The following FRMD4B variants were observed in gnomAD, a reference collection of about 807,000 sequenced individuals.
FRMD4B encodes FERM domain containing 4B.
A neutral mutation model predicts 141.5 loss-of-function variants in FRMD4B; 74 were observed. That is an observed-to-expected ratio of 0.52 (90% confidence interval 0.43 to 0.63). FRMD4B has a LOEUF of 0.63. Ranked by LOEUF, FRMD4B falls within the 30% of genes least tolerant of loss-of-function variation. FRMD4B has a pLI of 0.00. For missense variants in FRMD4B, 1,366 were observed against 1,253.4 expected (o/e 1.09, Z -1.36); for synonymous variants, 506 against 467.9 (o/e 1.08, Z -1.05).
At chr3:69,462,342 G>T (rs1209373093) in intron 1 of FRMD4B, among the ~76,000 whole-genome samples, 1 of 152,178 alleles carries the variant, frequency 6.6e-6, no homozygotes, top group Non-Finnish European at 1.5e-5. Flanking sequence ...TCCTGGAAAT[G>T]TTCCCTCTCT....
At chr3:69,491,895 T>C (rs780947194) in intron 1 of FRMD4B, among the ~76,000 whole-genome samples, 34 of 152,120 alleles carry the variant, frequency 2.2e-4, no homozygotes, top group Admixed American at 4.6e-4. Flanking sequence ...GACCACTAAA[T>C]TATTTAGGAC....
At chr3:69,502,911 G>T (rs1216183988) in intron 1 of FRMD4B, among the ~76,000 whole-genome samples, 1 of 152,182 alleles carries the variant, frequency 6.6e-6, no homozygotes, top group Non-Finnish European at 1.5e-5. Flanking sequence ...AGACATTTAT[G>T]CAGCCAACAG....
intron 1 of FRMD4B, among the ~76,000 whole-genome samples, chr3:69,515,088 A>G (rs1277074568): frequency 1.3e-5 from 2 of 152,220 alleles, no homozygotes; most frequent in Non-Finnish European, 2.9e-5. Flanking sequence ...ATCTTCAACA[A>G]GGAGCCTAAA....
chr3:69,343,273 C>T (rs934289642), intron 1 of FRMD4B, among the ~76,000 whole-genome samples: 1 of 152,090 alleles, frequency 6.6e-6, no homozygotes, highest in Non-Finnish European at 1.5e-5. Flanking sequence ...TTTTAATTAC[C>T]CCCATCAGAA....
At position 69,539,840 on chromosome 3, in the gene FRMD4B, A is replaced by AGTGT. The variant is rs147346385; in HGVS notation, c.-129+2362_-129+2365dup. Among the ~76,000 whole-genome samples the AGTGT allele has an allele frequency of 3.4e-3, 512 of 150,836 alleles. 2 individuals are homozygous for AGTGT. The highest frequency in any genetic ancestry group is 0.012 in the South Asian group (57 of 4,766). On this transcript the variant is annotated intron_variant, in intron 1 of 5. Transcript: ENST00000459638. The stretch of plus-strand genomic sequence containing the variant: ...CTGTTCAAAAAAGGTGTGTTCAAAC[A>AGTGT]GTGTGTGTGTGTGTGTGTGCGTGTT...
chr3:69,432,864 T>C (rs59234490), intron 1 of FRMD4B: 39,618 of 152,132 alleles, frequency 0.26, 5,695 homozygotes, highest in East Asian at 0.47. Flanking sequence ...AATTTTCCCC[T>C]GGCTGACTAC....
chr3:69,188,417 G>C (rs1386238971), intron 18 of FRMD4B, among the ~76,000 whole-genome samples: 2 of 152,270 alleles, frequency 1.3e-5, no homozygotes, highest in East Asian at 3.9e-4. Context: ...AAAGAGGGAT[G>C]GCAAGCATGA....
chr3:69,333,627 T>C (rs780704944), intron 1 of FRMD4B, among the ~76,000 whole-genome samples: 6 of 152,234 alleles, frequency 3.9e-5, no homozygotes, highest in Non-Finnish European at 8.8e-5. Context: ...CAGGGGACAA[T>C]TGGGACTGTT....
chr3:69,456,294 A>G (rs1205304354), intron 1 of FRMD4B, among the ~76,000 whole-genome samples: 2 of 152,244 alleles, frequency 1.3e-5, no homozygotes, highest in Non-Finnish European at 2.9e-5. Flanking sequence ...AAGTTGATGT[A>G]AGTTTTCGAG....
intron 1 of FRMD4B, among the ~76,000 whole-genome samples, chr3:69,323,539 T>C (rs1013703175): frequency 1.3e-5 from 2 of 148,900 alleles, no homozygotes; most frequent in Non-Finnish European, 3.0e-5. Flanking sequence ...CACTCCAGCC[T>C]GGGCGACACA....
chr3:69,332,088 G>T (rs1207341927), intron 1 of FRMD4B, among the ~76,000 whole-genome samples: 1 of 151,888 alleles, frequency 6.6e-6, no homozygotes, highest in Non-Finnish European at 1.5e-5. Flanking sequence ...CTCCATCTCA[G>T]AAAAAAACAA....
At chr3:69,196,524 C>A in intron 13 of FRMD4B, 128 bp from the exon 14 acceptor site, 1 of 706,372 alleles carries the variant, frequency 1.4e-6, no homozygotes, top group Non-Finnish European at 2.2e-6. Flanking sequence ...ATTCAAGTGG[C>A]ATTCTTCAGA....
At chr3:69,250,322 TTTTAAATA>T in intron 5 of FRMD4B, 2 of 486,506 alleles carry the variant, frequency 4.1e-6, no homozygotes, top group African/African-American at 2.0e-5. Context: ...TGTGTGTCTA[TTTTAAATA>T]GCTGTGGTGA....
At chr3:69,234,244 CAAA>C (rs34192296) in intron 7 of FRMD4B, among the ~76,000 whole-genome samples, 17 of 75,266 alleles carry the variant, frequency 2.3e-4, no homozygotes, top group Admixed American at 2.8e-4. Flanking sequence ...GACCCTGTCT[CAAA>C]AAAAAAAAAA....
Position 69,171,958 on chromosome 3 carries a change from A to C in FRMD4B, c.3008T>G (p.Leu1003Arg). The stretch of plus-strand genomic sequence containing the variant: ...CAGCTGGTTTCCATCTGTACCATCC[A>C]GTTGACTGATTTCTGTGTATTGTCT... The part of the protein sequence containing the change: ...PSRQYTEISQ[L>R]DGTDGNQLED... Residue 1003 changes from leucine (L) to arginine (R), a missense_variant, in exon 23 of 23, where the codon CTG becomes CGG. Coordinates refer to ENST00000398540, the MANE Select transcript of FRMD4B (RefSeq NM_015123.3). The C allele has an allele frequency of 6.2e-7, 1 of 1,613,108 alleles. No homozygotes were observed. The highest frequency in any genetic ancestry group is 1.6e-4 in the Middle Eastern group (1 of 6,062).
In FRMD4B at chr3:69,182,650, T is replaced by C. The variant is rs112646656; in HGVS notation, c.1987A>G (p.Met663Val). 37 of 1,613,836 alleles carry C rather than the reference T, an allele frequency of 2.3e-5. No individual in the cohort carries two copies. The highest frequency in any genetic ancestry group is 1.5e-4 in the African/African-American group (11 of 75,042). The change falls in exon 20 of 23, where the codon ATG (methionine) becomes GTG (valine). Residue 663 changes from methionine to valine, a missense_variant. Physicochemically the swap from Met to Val is conservative, Grantham distance 21 (BLOSUM62 1). Coordinates refer to ENST00000398540, the MANE Select transcript of FRMD4B (RefSeq NM_015123.3). Reference sequence around the variant, plus strand: ...CGGGTAAGAACTGGCGTGGTGGGCATGCTTCGTCCTCCCTGGGGCCGCCTC... The same window carrying C: ...CGGGTAAGAACTGGCGTGGTGGGCACGCTTCGTCCTCCCTGGGGCCGCCTC... The part of the protein sequence containing the change: ...LERRPQGGRS[M>V]PTTPVLTRNA...
At chr3:69,521,629 A>G (rs558305138) in intron 1 of FRMD4B, among the ~76,000 whole-genome samples, 32 of 152,176 alleles carry the variant, frequency 2.1e-4, no homozygotes, top group Non-Finnish European at 3.5e-4. Flanking sequence ...CTACAAGGCC[A>G]TCTTTGATTT....
intron 5 of FRMD4B, among the ~76,000 whole-genome samples, chr3:69,253,936 C>G (rs142759355): frequency 1.7e-3 from 251 of 152,120 alleles, no homozygotes; most frequent in African/African-American, 5.9e-3. Flanking sequence ...CAAAAATTAG[C>G]CAGGTGTGGT....
chr3:69,321,366 T>TTC (rs1701989646), intron 1 of FRMD4B, among the ~76,000 whole-genome samples: 1 of 152,142 alleles, frequency 6.6e-6, no homozygotes, highest in Non-Finnish European at 1.5e-5. Flanking sequence ...AAAATTTTTC[T>TTC]TCTCTCTCTC....
Sources: allele counts gnomAD v4.1 joint callset (sites outside exome capture counted in the v4.1 genomes callset), GRCh38; gene constraint gnomAD v4.1.1; transcripts MANE v1.5; gene names NCBI Gene and HGNC (gene_info 2026-07-23, HGNC 2026-07-21).